The following BCL9 variants were observed in gnomAD, a reference collection of about 807,000 sequenced individuals.
BCL9 encodes the protein B-cell CLL/lymphoma 9 protein.
In BCL9, 25 loss-of-function variants were observed where a neutral mutation model predicts 88.5. That is an observed-to-expected ratio of 0.28 (90% confidence interval 0.21 to 0.39). The LOEUF (loss-of-function observed/expected upper bound fraction) is 0.39. Among genes scored for constraint, BCL9 ranks in the 10% least tolerant of loss-of-function variants. BCL9 has a pLI of 1.00. For synonymous variants in BCL9, 711 were observed against 673.3 expected (o/e 1.06, Z -0.87); for missense variants, 1,817 against 1,877.8 (o/e 0.97, Z 0.60).
chr1:147,616,341 A>G (rs587614075), intron 7 of BCL9, among the ~76,000 whole-genome samples: 4 of 152,366 alleles, frequency 2.6e-5, no homozygotes, highest in African/African-American at 7.2e-5. Flanking sequence ...ATCGACTTTC[A>G]GAGTGATTCA....
At chr1:147,599,410 A>G (rs782022406) in intron 1 of BCL9, among the ~76,000 whole-genome samples, 52 of 152,306 alleles carry the variant, frequency 3.4e-4, no homozygotes, top group Non-Finnish European at 5.3e-4. Context: ...GAGTGAGGGA[A>G]AGACCGGCTC....
intron 1 of BCL9, among the ~76,000 whole-genome samples, chr1:147,568,217 G>A (rs1241767071): frequency 5.3e-5 from 8 of 152,148 alleles, no homozygotes; most frequent in African/African-American, 9.7e-5. Context: ...AGCACTTTAT[G>A]GGGAAGCATT....
At chr1:147,560,476 G>A (rs782819332) in intron 1 of BCL9, among the ~76,000 whole-genome samples, 1 of 151,874 alleles carries the variant, frequency 6.6e-6, no homozygotes, top group Non-Finnish European at 1.5e-5. Context: ...TGTAATCCCA[G>A]CTACTCAGGG....
At chr1:147,551,446 C>G (rs1312612393) in intron 1 of BCL9, among the ~76,000 whole-genome samples, 3 of 152,204 alleles carry the variant, frequency 2.0e-5, no homozygotes, top group African/African-American at 7.2e-5. Context: ...GTCTCTGACT[C>G]TGAGTGCCAT....
At chr1:147,590,065 G>A (rs1476068861) in intron 1 of BCL9, among the ~76,000 whole-genome samples, 1 of 152,218 alleles carries the variant, frequency 6.6e-6, no homozygotes, top group East Asian at 1.9e-4. Flanking sequence ...CTGTAGACCA[G>A]TGTCATTTTT....
At chr1:147,565,656 G>A (rs1378860237) in intron 1 of BCL9, among the ~76,000 whole-genome samples, 4 of 152,186 alleles carry the variant, frequency 2.6e-5, no homozygotes, top group African/African-American at 9.7e-5. Flanking sequence ...CCCTGGGATA[G>A]GCCTTACTTC....
intron 8 of BCL9, among the ~76,000 whole-genome samples, 156 bp from the exon 9 acceptor site, chr1:147,622,115 T>G (rs1658678667): frequency 6.6e-6 from 1 of 152,204 alleles, no homozygotes; most frequent in Non-Finnish European, 1.5e-5. Flanking sequence ...ACACAGAGCT[T>G]GACTAGAAGA....
intron 1 of BCL9, among the ~76,000 whole-genome samples, chr1:147,553,279 G>A (rs1397287865): frequency 6.6e-6 from 1 of 152,058 alleles, no homozygotes; most frequent in Non-Finnish European, 1.5e-5. Context: ...TTCTGTTTTG[G>A]TTTGGTTCTT....
chr1:147,573,299 A>C (rs1462784999), intron 1 of BCL9, among the ~76,000 whole-genome samples: 1 of 152,140 alleles, frequency 6.6e-6, no homozygotes, highest in East Asian at 1.9e-4. Flanking sequence ...AAAAATACAA[A>C]AAAATTACCC....
chr1:147,618,708 A>G, intron 7 of BCL9, 108 bp from the exon 8 acceptor site: 1 of 1,093,800 alleles, frequency 9.1e-7, no homozygotes, highest in Non-Finnish European at 1.2e-6. Flanking sequence ...AGCCAGTGTC[A>G]GTTAGATTTA....
chr1:147,564,444 C>T (rs587672585), intron 1 of BCL9, among the ~76,000 whole-genome samples: 9 of 151,890 alleles, frequency 5.9e-5, no homozygotes, highest in Admixed American at 5.2e-4. Flanking sequence ...TTGTACTGCC[C>T]GTGAAAGGAA....
chr1:147,597,183 A>G (rs1276012043), intron 1 of BCL9, among the ~76,000 whole-genome samples: 8 of 152,218 alleles, frequency 5.3e-5, no homozygotes, highest in Admixed American at 5.2e-4. Flanking sequence ...ATTCCTTCCA[A>G]TCCTAAAATT....
chr1:147,620,538 A>T lies in BCL9; in HGVS notation c.2383A>T (p.Ser795Cys). 1.2e-6 allele frequency: 2 copies of T among 1,613,856 alleles called. No individual in the cohort carries two copies. The highest frequency in any genetic ancestry group is 2.2e-5 in the South Asian group (2 of 91,070). ...LPMSQGPGSNSGLRNLREPIG... is the reference protein window; with the variant it reads ...LPMSQGPGSNCGLRNLREPIG... Reference sequence around the variant, plus strand: ...CATGTCTCAGGGTCCAGGCAGCAACAGTGGCTTGCGGAATCTCAGAGAACC... The same window carrying T: ...CATGTCTCAGGGTCCAGGCAGCAACTGTGGCTTGCGGAATCTCAGAGAACC... The change falls in exon 8 of 10, where the codon AGT (serine) becomes TGT (cysteine). Residue 795 changes from serine to cysteine, a missense_variant. Physicochemically the swap from Ser to Cys is moderately radical, Grantham distance 112. Around this residue, in one of 2 missense-constraint regions of BCL9, gnomAD observed 1,228 missense variants for 1,191.6 expected, o/e 1.03. Transcript: ENST00000234739.
intron 1 of BCL9, among the ~76,000 whole-genome samples, chr1:147,590,874 A>G (rs1487281061): frequency 6.6e-6 from 1 of 152,232 alleles, no homozygotes; most frequent in Non-Finnish European, 1.5e-5. Flanking sequence ...GATGGGAGCT[A>G]TCTACTACGC....
intron 1 of BCL9, among the ~76,000 whole-genome samples, chr1:147,569,778 C>A (rs587774883): frequency 3.3e-5 from 5 of 152,032 alleles, no homozygotes; most frequent in African/African-American, 1.2e-4. Flanking sequence ...TGATCAGGGC[C>A]GATGGCAGTG....
At position 147,620,913 on chromosome 1, in the gene BCL9, C is replaced by T. The variant is rs782559032; in HGVS notation, c.2758C>T (p.His920Tyr). ...GGGGTCTGCTGCTGCTTCACCTGTCCACCTCAAGTCTCCATCACTTCCTGC... is the reference window on the plus strand; with the variant it reads ...GGGGTCTGCTGCTGCTTCACCTGTCTACCTCAAGTCTCCATCACTTCCTGC... ...VLGSAAASPV[H>Y]LKSPSLPAPS... The change falls in exon 8 of 10, where the codon CAC becomes TAC. Residue 920 changes from histidine (H) to tyrosine (Y), a missense_variant. Physicochemically the swap from His to Tyr is moderately conservative, Grantham distance 83 (BLOSUM62 2). This residue lies in a region of BCL9 where 1,228 missense variants were observed against 1,191.6 expected (regional missense o/e 1.03). Coordinates refer to ENST00000234739, the MANE Select transcript of BCL9 (RefSeq NM_004326.4). The T allele has an allele frequency of 6.2e-7, 1 of 1,614,176 alleles. No homozygotes were observed. Among genetic ancestry groups the T allele is most frequent in the South Asian group, 1.1e-5 (1 of 91,080 alleles).
At chr1:147,609,445 A>G (rs1657893285) in intron 3 of BCL9, among the ~76,000 whole-genome samples, 1 of 152,212 alleles carries the variant, frequency 6.6e-6, no homozygotes, top group Non-Finnish European at 1.5e-5. Context: ...AGTAATGGGA[A>G]GGAAGATGGC....
chr1:147,565,255 A>G (rs1045569972), intron 1 of BCL9, among the ~76,000 whole-genome samples: 2 of 152,226 alleles, frequency 1.3e-5, no homozygotes, highest in African/African-American at 4.8e-5. Context: ...ACATGAGAAA[A>G]TGTAAGCTCA....
chr1:147,588,038 GTC>G (rs782453166), intron 1 of BCL9, among the ~76,000 whole-genome samples: 1 of 152,132 alleles, frequency 6.6e-6, no homozygotes, highest in Non-Finnish European at 1.5e-5. Context: ...TAATTAAAAA[GTC>G]TACTGGCAGG....
Sources: gnomAD v4.1 joint callset for allele counts (sites outside exome capture counted in the v4.1 genomes callset) on GRCh38, gnomAD v4.1.1 for gene constraint, gnomAD v4.1.1 regional missense constraint, MANE v1.5 for transcripts, NCBI Gene and HGNC (gene_info 2026-07-23, HGNC 2026-07-21) for gene names.